The following MBTD1 variants were observed in gnomAD, a reference collection of about 807,000 sequenced individuals.
The protein encoded by MBTD1 is mbt domain containing 1.
In MBTD1, 24 loss-of-function variants were observed where a neutral mutation model predicts 87.8. The observed-to-expected ratio is 0.27, with a 90% CI of 0.20 to 0.38. The LOEUF (loss-of-function observed/expected upper bound fraction) is 0.38, where lower values mean the gene tolerates loss of function less well. Ranked by LOEUF, MBTD1 falls within the 10% of genes least tolerant of loss-of-function variation. The pLI is 1.00. For synonymous variants in MBTD1, 237 were observed against 248.6 expected (o/e 0.95, Z 0.44); for missense variants, 436 against 760.2 (o/e 0.57, Z 5.02).
At chr17:51,221,387 A>G (rs2052882255) in intron 3 of MBTD1, among the ~76,000 whole-genome samples, 1 of 152,240 alleles carries the variant, frequency 6.6e-6, no homozygotes, top group Non-Finnish European at 1.5e-5. Context: ...AGTGGGAAAC[A>G]GCAGAACTCT....
At chr17:51,227,001 G>A (rs1053090880) in intron 2 of MBTD1, among the ~76,000 whole-genome samples, 2 of 151,902 alleles carry the variant, frequency 1.3e-5, no homozygotes, top group African/African-American at 4.8e-5. Context: ...CCAGTACTTC[G>A]GGAGGCCGAG....
chr17:51,251,158 T>C (rs1227394385), intron 2 of MBTD1: 1 of 152,212 alleles, frequency 6.6e-6, no homozygotes, highest in Admixed American at 6.5e-5. Context: ...TTTTCATCAG[T>C]TGAAATGCTG....
Position 51,193,943 on chromosome 17 carries a change from G to C in MBTD1, c.1373-433C>G, listed in dbSNP as rs2050937434. On this transcript the variant is annotated intron_variant, in intron 13 of 16. Coordinates refer to ENST00000586178, the MANE Select transcript of MBTD1 (RefSeq NM_017643.3). ...GCCTATATGATTTATACTGCTGAGT[G>C]CAATAATTCCTCCATGTTACACAGA... Among the ~76,000 whole-genome samples, 4 of 152,228 alleles carry C rather than the reference G, an allele frequency of 2.6e-5. 1 individual carries two copies. The South Asian group carries it at 8.3e-4, about 32-fold the overall frequency.
intron 6 of MBTD1, among the ~76,000 whole-genome samples, chr17:51,208,346 A>G (rs140539061): frequency 1.6e-4 from 25 of 152,308 alleles, no homozygotes; most frequent in African/African-American, 5.8e-4. Flanking sequence ...AAGGGTACAT[A>G]TAACTATCTC....
chr17:51,214,070 AACAC>A (rs1045387944), intron 6 of MBTD1, among the ~76,000 whole-genome samples: 1 of 151,978 alleles, frequency 6.6e-6, no homozygotes, highest in Non-Finnish European at 1.5e-5. Flanking sequence ...TATATGTATA[AACAC>A]ACACATATAT....
Position 51,203,751 on chromosome 17 carries a change from C to T in MBTD1, c.739+40G>A, listed in dbSNP as rs767585523. On this transcript the variant is annotated intron_variant, in intron 8 of 16. Coordinates refer to ENST00000586178, the MANE Select transcript of MBTD1 (RefSeq NM_017643.3). ...ATGTGTAAAATAGCATTAAAGTACACATATAAAAAAATTACGGTAAGGGTA... is the reference window on the plus strand; with the variant it reads ...ATGTGTAAAATAGCATTAAAGTACATATATAAAAAAATTACGGTAAGGGTA... 10 of 1,577,592 alleles carry T rather than the reference C, an allele frequency of 6.3e-6. No homozygotes were observed. In the East Asian group the frequency reaches 6.7e-5, roughly 11 times the overall value.
chr17:51,222,987 G>A (rs868208102), intron 3 of MBTD1, among the ~76,000 whole-genome samples: 2 of 149,986 alleles, frequency 1.3e-5, no homozygotes, highest in Non-Finnish European at 3.0e-5. Flanking sequence ...ATTTTTTTTC[G>A]CAGAGACGGG....
chr17:51,226,904 T>G (rs539636722), intron 2 of MBTD1, among the ~76,000 whole-genome samples: 7 of 151,794 alleles, frequency 4.6e-5, no homozygotes, highest in African/African-American at 1.7e-4. Flanking sequence ...GTGCTGGGAT[T>G]ACAGGTGTGA....
intron 2 of MBTD1, among the ~76,000 whole-genome samples, chr17:51,238,030 A>C (rs2053950765): frequency 6.6e-6 from 1 of 152,160 alleles, no homozygotes; most frequent in Non-Finnish European, 1.5e-5. Flanking sequence ...GACTCTTTTT[A>C]CAAATGCAAA....
At chr17:51,259,354 T>C (rs2144346013) in intron 1 of MBTD1, 148 bp from the exon 2 acceptor site, 2 of 868,382 alleles carry the variant, frequency 2.3e-6, no homozygotes, top group East Asian at 6.7e-5. Flanking sequence ...CCGCCCCCTT[T>C]CAATATTTCC....
In MBTD1 at chr17:51,225,066, G is replaced by C; in HGVS notation, c.96C>G (p.Leu32=). The C allele has an allele frequency of 6.4e-7, 1 of 1,551,368 alleles. No homozygotes were observed. The highest frequency in any genetic ancestry group is 1.2e-5 in the South Asian group (1 of 83,936). ...EEEVAPLPSN[L]PIIKNNGQVY... ...CTTGCCCATTGTTTTTGATAATCGGGAGATTAGAAGGTAAAGGAGCGACTT... is the reference window on the plus strand; with the variant it reads ...CTTGCCCATTGTTTTTGATAATCGGCAGATTAGAAGGTAAAGGAGCGACTT... Residue 32 remains leucine (L), a synonymous_variant, in exon 3 of 17, where the codon CTC becomes CTG. Coordinates refer to ENST00000586178, the MANE Select transcript of MBTD1 (RefSeq NM_017643.3).
intron 2 of MBTD1, among the ~76,000 whole-genome samples, chr17:51,238,600 T>C (rs934822783): frequency 3.9e-5 from 6 of 152,292 alleles, no homozygotes; most frequent in African/African-American, 1.2e-4. Flanking sequence ...ATATGAATCT[T>C]TGTGTTTGGA....
chr17:51,191,558 T>C (rs2050813986), intron 16 of MBTD1: 1 of 151,948 alleles, frequency 6.6e-6, no homozygotes, highest in Non-Finnish European at 1.5e-5. Flanking sequence ...GCTTCACATC[T>C]ACTGTAAGCA....
chr17:51,249,157 G>A (rs1192861281), intron 2 of MBTD1, among the ~76,000 whole-genome samples: 1 of 152,098 alleles, frequency 6.6e-6, no homozygotes, highest in African/African-American at 2.4e-5. Flanking sequence ...CTACTTGGGA[G>A]GCTGAGGTGG....
chr17:51,181,183 C>A (rs866995633), intron 16 of MBTD1, among the ~76,000 whole-genome samples: 14 of 152,004 alleles, frequency 9.2e-5, no homozygotes, highest in African/African-American at 2.7e-4. Flanking sequence ...CCCACCACCA[C>A]GCCCAGCTAA....
chr17:51,260,875 C>T (rs759692114), upstream of MBTD1: 10 of 1,601,356 alleles, frequency 6.2e-6, no homozygotes, highest in South Asian at 1.1e-5. Flanking sequence ...TGGTCTTCGG[C>T]GACGTCGAGA....
chr17:51,227,252 A>AT lies in MBTD1; in HGVS notation c.-48-2044_-48-2043insA, dbSNP rs1408905639. ...GCGAGACTCTGTCTCCAAAAAAAAA[A>AT]AAAAAAAAAAAAAAAATTGCTTTGC... On this transcript the variant is annotated intron_variant, in intron 2 of 16. Transcript: ENST00000586178. 5.6e-4 allele frequency among the ~76,000 whole-genome samples: 21 copies of AT among 37,180 alleles called. 1 individual carries two copies. The highest frequency in any genetic ancestry group is 1.5e-3 in the African/African-American group (18 of 11,800). 24.4% of individuals were successfully genotyped at this position (37,180 alleles called of 152,430 possible).
chr17:51,184,119 G>C (rs1291982933), intron 16 of MBTD1: 3 of 152,194 alleles, frequency 2.0e-5, no homozygotes, highest in Non-Finnish European at 4.4e-5. Flanking sequence ...TCAAGATAAA[G>C]GTGAAACACT....
chr17:51,194,566 C>CAAAAAAAAAAAAAAAAAAAA lies in MBTD1; in HGVS notation c.1372+628_1372+647dup, dbSNP rs71355733. Among the ~76,000 whole-genome samples, 2 of 19,730 alleles carry CAAAAAAAAAAAAAAAAAAAA rather than the reference C, an allele frequency of 1.0e-4. 1 individual carries two copies. Among genetic ancestry groups the CAAAAAAAAAAAAAAAAAAAA allele is most frequent in the African/African-American group, 5.3e-4 (2 of 3,802 alleles). The allele number at this position is 19,730 out of a possible 152,430, so 12.9% of individuals were successfully genotyped here. On this transcript the variant is annotated intron_variant, in intron 13 of 16. Coordinates refer to ENST00000586178, the MANE Select transcript of MBTD1 (RefSeq NM_017643.3). ...CCTGGGTGACAGAGCGAGACTGTCT[C>CAAAAAAAAAAAAAAAAAAAA]AAAAAAAAAAAAAAAAAAAAAAAAA...
Sources: allele counts gnomAD v4.1 joint callset (sites outside exome capture counted in the v4.1 genomes callset), GRCh38; gene constraint gnomAD v4.1.1; transcripts MANE v1.5; gene names NCBI Gene and HGNC (gene_info 2026-07-23, HGNC 2026-07-21).